The following BRIX1 variants were observed in gnomAD, a reference collection of about 807,000 sequenced individuals.
BRIX1 encodes ribosome biogenesis protein BRX1 homolog.
Under a neutral mutation model 44.0 loss-of-function variants are expected in BRIX1, and 15 were observed. That is an observed-to-expected ratio of 0.34 (90% CI 0.23 to 0.53). The LOEUF (loss-of-function observed/expected upper bound fraction) is 0.53, where lower values mean the gene tolerates loss of function less well. Among genes scored for constraint, BRIX1 ranks in the 20% least tolerant of loss-of-function variants. BRIX1 has a pLI of 0.95. For synonymous variants in BRIX1, 149 were observed against 135.4 expected (o/e 1.10, Z -0.70); for missense variants, 420 against 432.8 (o/e 0.97, Z 0.26).
chr5:34,922,249 C>G lies in BRIX1; in HGVS notation c.348C>G (p.Ile116Met). 1 of 1,591,770 alleles carries G rather than the reference C, an allele frequency of 6.3e-7. No homozygotes were observed. Residue 116 changes from isoleucine (I) to methionine (M), a missense_variant, in exon 4 of 10, where the codon ATC (isoleucine) becomes ATG (methionine). Physicochemically the swap from Ile to Met is conservative, Grantham distance 10. Coordinates refer to ENST00000336767, the MANE Select transcript of BRIX1 (RefSeq NM_018321.4). ...AAATGAAGAACTGTAATAAATGCAT[C>G]TATTTTGAAGCTAAGAAAAAACAGG... ...VCEMKNCNKC[I>M]YFEAKKKQDL...
intron 1 of BRIX1, chr5:34,916,155 C>T (rs1032718509): frequency 1.1e-5 from 4 of 363,542 alleles, no homozygotes; most frequent in Non-Finnish European, 1.5e-5. Flanking sequence ...GTGCTCAGAT[C>T]CAGCGTTCTT....
At chr5:34,923,965 G>T (rs1764296489) in intron 8 of BRIX1, among the ~76,000 whole-genome samples, 1 of 152,126 alleles carries the variant, frequency 6.6e-6, no homozygotes, top group African/African-American at 2.4e-5. Context: ...AGATACTTGG[G>T]TTCCTAATTT....
Position 34,924,866 on chromosome 5 carries a change from C to T in BRIX1, c.683C>T (p.Ala228Val), listed in dbSNP as rs1333168804. 13 of 1,604,914 alleles carry T rather than the reference C, an allele frequency of 8.1e-6. No individual in the cohort carries two copies. Among genetic ancestry groups the T allele is most frequent in the Non-Finnish European group, 1.1e-5 (13 of 1,172,048 alleles). ...TTAAAGATCATAGAAGAAGATGCTGCTCTTGTAGAAATAGGACCTCGTTTT... is the reference window on the plus strand; with the variant it reads ...TTAAAGATCATAGAAGAAGATGCTGTTCTTGTAGAAATAGGACCTCGTTTT... ...RNFQIIEEDA[A>V]LVEIGPRFVL... The change falls in exon 9 of 10, where the codon GCT becomes GTT. Residue 228 changes from alanine to valine, a missense_variant. By Grantham distance (64) the Ala-to-Val change is moderately conservative. Transcript: ENST00000336767.
At chr5:34,921,375 G>A (rs1764232994) in intron 3 of BRIX1, 1 of 152,082 alleles carries the variant, frequency 6.6e-6, no homozygotes, top group Non-Finnish European at 1.5e-5. Flanking sequence ...CACCAGAAAT[G>A]ATAGTATAAA....
chr5:34,925,597 T>A lies in BRIX1; in HGVS notation c.*102T>A. The A allele has an allele frequency of 2.0e-6, 2 of 989,594 alleles. No homozygotes were observed. The highest frequency in any genetic ancestry group is 2.8e-6 in the Non-Finnish European group (2 of 703,752). 61.3% of individuals were successfully genotyped at this position (989,594 alleles called of 1,614,324 possible). On this transcript the variant is annotated 3_prime_UTR_variant, in exon 10 of 10. Coordinates refer to ENST00000336767, the MANE Select transcript of BRIX1 (RefSeq NM_018321.4). Reference sequence around the variant, plus strand: ...AATACTATCTTACGTCTAATTAGTGTAGCATTTACAAGAAAGAAAAATTAA... The same window carrying A: ...AATACTATCTTACGTCTAATTAGTGAAGCATTTACAAGAAAGAAAAATTAA...
intron 1 of BRIX1, among the ~76,000 whole-genome samples, chr5:34,917,340 T>C (rs1456281300): frequency 2.0e-5 from 3 of 152,102 alleles, no homozygotes; most frequent in African/African-American, 7.2e-5. Context: ...ATGGAAGTAT[T>C]ACTTTAAAAA....
At chr5:34,920,266 G>T (rs1037680835) in intron 3 of BRIX1, 1 of 153,350 alleles carries the variant, frequency 6.5e-6, no homozygotes, top group Admixed American at 6.5e-5. Flanking sequence ...TGTTTTGCCA[G>T]TATTAAAAGT....
At chr5:34,919,274 CAAAAAAAAAAAAA>C (rs71299559) in intron 2 of BRIX1, among the ~76,000 whole-genome samples, 2 of 35,966 alleles carry the variant, frequency 5.6e-5, no homozygotes, top group Non-Finnish European at 1.0e-4. Flanking sequence ...GACCCTGTCT[CAAAAAAAAAAAAA>C]AAAAAAAAAA....
chr5:34,924,808 G>A (rs775957855), intron 8 of BRIX1, 39 bp from the exon 9 acceptor site: 21 of 1,493,578 alleles, frequency 1.4e-5, no homozygotes, highest in Non-Finnish European at 1.8e-5. Flanking sequence ...TGGGAATAAC[G>A]TAACCAAACC....
intron 1 of BRIX1, chr5:34,918,158 A>G (rs1764158447): frequency 2.8e-6 from 1 of 352,858 alleles, no homozygotes; most frequent in South Asian, 9.4e-5. Context: ...AAAAAAAAAA[A>G]AACTAGCTGG....
rs1490863522 is a variant in BRIX1, at chr5:34,925,731, A to AATGT, written c.*238_*241dup. 2.1e-5 allele frequency: 9 copies of AATGT among 427,390 alleles called. No individual in the cohort carries two copies. Among genetic ancestry groups the AATGT allele is most frequent in the Middle Eastern group, 6.3e-4 (1 of 1,584 alleles). 26.5% of individuals were successfully genotyped at this position (427,390 alleles called of 1,614,324 possible). On this transcript the variant is annotated 3_prime_UTR_variant, in exon 10 of 10. Coordinates refer to ENST00000336767, the MANE Select transcript of BRIX1 (RefSeq NM_018321.4). Reference sequence around the variant, plus strand: ...GTGTTGCTAAAAATGTAGCACACTTAATGTAGCCTGTTCTCTTGGGTTGGA... The same window carrying AATGT: ...GTGTTGCTAAAAATGTAGCACACTTAATGTATGTAGCCTGTTCTCTTGGGTTGGA...
At chr5:34,917,007 G>A (rs37435) in intron 1 of BRIX1, among the ~76,000 whole-genome samples, 134,308 of 152,186 alleles carry the variant, frequency 0.88, 60,687 homozygotes, top group Non-Finnish European at 0.98. Flanking sequence ...TTCTATGGAA[G>A]TGCAGGAGAT....
chr5:34,918,635 C>A, intron 2 of BRIX1, 160 bp downstream of exon 2: 2 of 475,010 alleles, frequency 4.2e-6, no homozygotes, highest in South Asian at 4.4e-5. Flanking sequence ...GTTAACATTT[C>A]GTAAGAAATT....
chr5:34,922,987 C>T lies in BRIX1; in HGVS notation c.511-14C>T. 1.3e-6 allele frequency: 2 copies of T among 1,499,214 alleles called. No individual in the cohort carries two copies. The highest frequency in any genetic ancestry group is 1.9e-6 in the Non-Finnish European group (2 of 1,080,384). The allele number at this position is 1,499,214 out of a possible 1,614,324, so 92.9% of individuals were successfully genotyped here. ...AGTCTACTGTTAAATAATATGCTTA[C>T]CTTATTTTTATAGGCTTTTGATGAA... On this transcript the variant is annotated splice_polypyrimidine_tract_variant and intron_variant, in intron 6 of 9. Coordinates refer to ENST00000336767, the MANE Select transcript of BRIX1 (RefSeq NM_018321.4).
intron 4 of BRIX1, 65 bp downstream of exon 4, chr5:34,922,352 T>TGTTATA (rs1361407389): frequency 9.0e-5 from 95 of 1,058,854 alleles, no homozygotes; most frequent in Non-Finnish European, 1.2e-4. Flanking sequence ...GTACCTTTTA[T>TGTTATA]GTTATAGACT....
chr5:34,918,141 A>C (rs950965546), intron 1 of BRIX1: 11 of 134,394 alleles, frequency 8.2e-5, no homozygotes, highest in Admixed American at 8.0e-4. Context: ...CCATCTCTAC[A>C]AAAAAAAAAA....
At chr5:34,923,362 C>T (rs1382888528) in intron 8 of BRIX1, 128 bp downstream of exon 8, 3 of 685,150 alleles carry the variant, frequency 4.4e-6, no homozygotes, top group Admixed American at 4.9e-5. Flanking sequence ...TCACTGCAAC[C>T]TCCACCTCCC....
At chr5:34,921,907 CAAAAAAAAAAA>C (rs57343458) in intron 3 of BRIX1, 10 of 35,368 alleles carry the variant, frequency 2.8e-4, no homozygotes, top group Non-Finnish European at 5.0e-4. Context: ...AACTGCATCG[CAAAAAAAAAAA>C]AAAAAAAAAG....
At chr5:34,923,477 C>T in intron 8 of BRIX1, 1 of 456,896 alleles carries the variant, frequency 2.2e-6, no homozygotes. Context: ...GGGGTTTCGC[C>T]ATGTTGGCCA....
Sources: gnomAD v4.1 joint callset for allele counts (sites outside exome capture counted in the v4.1 genomes callset) on GRCh38, gnomAD v4.1.1 for gene constraint, MANE v1.5 for transcripts, NCBI Gene and HGNC (gene_info 2026-07-23, HGNC 2026-07-21) for gene names.